Variants in MLLT10 observed in about 807,000 individuals in gnomAD.
MLLT10 encodes MLLT10 histone lysine methyltransferase DOT1L cofactor, also known as protein AF-10.
In MLLT10, 30 loss-of-function variants were observed where a neutral mutation model predicts 129.1. The observed-to-expected ratio is 0.23, with a 90% confidence interval of 0.17 to 0.32. The LOEUF (loss-of-function observed/expected upper bound fraction) is 0.32. Among genes scored for constraint, MLLT10 ranks in the 10% least tolerant of loss-of-function variants. MLLT10 has a pLI of 1.00. For missense variants in MLLT10, 1,119 were observed against 1,268.3 expected (o/e 0.88, Z 1.79); for synonymous variants, 490 against 446.4 (o/e 1.10, Z -1.23).
chr10:21,738,851 G>A (rs2058598737), intron 21 of MLLT10, among the ~76,000 whole-genome samples: 1 of 152,102 alleles, frequency 6.6e-6, no homozygotes, highest in Admixed American at 6.5e-5. Flanking sequence ...GAGTGCCCAA[G>A]GTGGAATTCA....
At chr10:21,640,310 A>G (rs1184630428) in intron 8 of MLLT10, among the ~76,000 whole-genome samples, 2 of 144,616 alleles carry the variant, frequency 1.4e-5, no homozygotes, top group Admixed American at 7.2e-5. Flanking sequence ...ATATATATGT[A>G]TACATATATT....
chr10:21,742,855 C>G lies in MLLT10; in HGVS notation c.*872C>G, dbSNP rs150622664. Reference sequence around the variant, plus strand: ...GTCCTCCGAGCAGCAGGAATCATCCCGTCACCTGCAGCCTTCCCATGCTTC... The same window carrying G: ...GTCCTCCGAGCAGCAGGAATCATCCGGTCACCTGCAGCCTTCCCATGCTTC... On this transcript the variant is annotated 3_prime_UTR_variant, in exon 23 of 23. Coordinates refer to ENST00000307729, the MANE Select transcript of MLLT10 (RefSeq NM_001195626.3). The G allele has an allele frequency of 8.7e-6, 2 of 228,866 alleles. No homozygotes were observed. Among genetic ancestry groups the G allele is most frequent in the Non-Finnish European group, 1.7e-5 (2 of 115,432 alleles). 14.2% of individuals were successfully genotyped at this position (228,866 alleles called of 1,614,324 possible). A position where few individuals can be genotyped will look rare whatever the true frequency, so the allele number is the denominator to read the frequency against.
At chr10:21,536,017 C>T (rs1419680054) in intron 2 of MLLT10, among the ~76,000 whole-genome samples, 1 of 152,214 alleles carries the variant, frequency 6.6e-6, no homozygotes, top group African/African-American at 2.4e-5. Context: ...CAGCTTACTG[C>T]AACCTCTGCC....
At chr10:21,667,531 AATGTACTCATTCTTTTGGTGATTT>A (rs890773222) in intron 9 of MLLT10, among the ~76,000 whole-genome samples, 9 of 149,772 alleles carry the variant, frequency 6.0e-5, no homozygotes, top group African/African-American at 1.7e-4. Context: ...TTTTTTTTTT[AATGTACTCATTCTTTTGGTGATTT>A]ATGTTGGGTA....
chr10:21,642,777 C>T (rs1387151718), intron 8 of MLLT10, among the ~76,000 whole-genome samples: 1 of 152,110 alleles, frequency 6.6e-6, no homozygotes, highest in African/African-American at 2.4e-5. Flanking sequence ...TTACCTTGGA[C>T]TCATCCATGT....
At chr10:21,603,772 C>G (rs1056933738) in intron 5 of MLLT10, among the ~76,000 whole-genome samples, 5 of 151,820 alleles carry the variant, frequency 3.3e-5, no homozygotes, top group Non-Finnish European at 5.9e-5. Flanking sequence ...AAATCTGTTC[C>G]ATGCTTCCTA....
intron 4 of MLLT10, among the ~76,000 whole-genome samples, chr10:21,586,898 T>C (rs1589099216): frequency 6.6e-6 from 1 of 151,564 alleles, no homozygotes; most frequent in Non-Finnish European, 1.5e-5. Context: ...AAAAAAAAAG[T>C]ATTTTTTTTA....
intron 3 of MLLT10, among the ~76,000 whole-genome samples, chr10:21,542,395 C>T (rs1461479780): frequency 2.0e-5 from 3 of 152,070 alleles, no homozygotes; most frequent in South Asian, 2.1e-4. Flanking sequence ...ATCTTAAAAC[C>T]CCGTTTCTTC....
Position 21,630,949 on chromosome 10 carries a change from G to A in MLLT10, c.699+13742G>A, listed in dbSNP as rs1018327936. Among the ~76,000 whole-genome samples, 6 of 152,248 alleles carry A rather than the reference G, an allele frequency of 3.9e-5. 1 individual carries two copies. Among genetic ancestry groups the A allele is most frequent in the African/African-American group, 1.4e-4 (6 of 41,544 alleles). On this transcript the variant is annotated intron_variant, in intron 8 of 22. Coordinates refer to ENST00000307729, the MANE Select transcript of MLLT10 (RefSeq NM_001195626.3). ...GCTAGCACACCCACCCACTCTTGTG[G>A]TCCAGGGATGTTGGGATACTGTGGT...
chr10:21,543,635 C>T (rs1345820714), intron 3 of MLLT10, among the ~76,000 whole-genome samples: 2 of 151,974 alleles, frequency 1.3e-5, no homozygotes, highest in Non-Finnish European at 2.9e-5. Flanking sequence ...TGTGCCACCA[C>T]GCCCAGCTAA....
intron 13 of MLLT10, among the ~76,000 whole-genome samples, chr10:21,704,527 A>G (rs2055302129): frequency 6.8e-6 from 1 of 147,122 alleles, no homozygotes; most frequent in South Asian, 2.1e-4. Context: ...ATTTTGAATT[A>G]TTTTTCCAAT....
chr10:21,707,486 C>T (rs570844237), intron 13 of MLLT10, among the ~76,000 whole-genome samples: 12 of 152,246 alleles, frequency 7.9e-5, no homozygotes, highest in Non-Finnish European at 1.5e-4. Flanking sequence ...CCACTGCGCC[C>T]GGCCAAGTTT....
chr10:21,716,419 G>A (rs952781819), intron 14 of MLLT10, among the ~76,000 whole-genome samples: 20 of 152,178 alleles, frequency 1.3e-4, no homozygotes, highest in East Asian at 9.6e-4. Context: ...TAGGCTGGGC[G>A]TGGTGGCTCA....
intron 8 of MLLT10, chr10:21,626,193 T>A: frequency 6.2e-7 from 1 of 1,604,284 alleles, no homozygotes; most frequent in Non-Finnish European, 8.5e-7. Flanking sequence ...TCACTTTCCT[T>A]GAACTGCTGT....
chr10:21,597,353 T>C (rs2043119200), intron 5 of MLLT10, among the ~76,000 whole-genome samples: 1 of 152,200 alleles, frequency 6.6e-6, no homozygotes, highest in Non-Finnish European at 1.5e-5. Context: ...GCATTTTGAC[T>C]CTTTGGTCTT....
At chr10:21,724,416 TGTC>T (rs1202429843) in intron 14 of MLLT10, among the ~76,000 whole-genome samples, 1 of 152,246 alleles carries the variant, frequency 6.6e-6, no homozygotes, top group African/African-American at 2.4e-5. Context: ...ACTACTGTGT[TGTC>T]TTAGTCTCTT....
At chr10:21,552,845 C>T (rs1406188764) in intron 3 of MLLT10, among the ~76,000 whole-genome samples, 3 of 151,544 alleles carry the variant, frequency 2.0e-5, no homozygotes, top group African/African-American at 7.3e-5. Context: ...TTTTATTCTT[C>T]TCTGTTCCTC....
At chr10:21,716,126 C>T (rs2056535364) in intron 14 of MLLT10, among the ~76,000 whole-genome samples, 1 of 152,180 alleles carries the variant, frequency 6.6e-6, no homozygotes, top group Non-Finnish European at 1.5e-5. Context: ...GTGAAATTTT[C>T]TAGGCAATGT....
At chr10:21,593,797 G>A (rs2042738515) in intron 4 of MLLT10, among the ~76,000 whole-genome samples, 1 of 151,524 alleles carries the variant, frequency 6.6e-6, no homozygotes, top group Admixed American at 6.6e-5. Flanking sequence ...TGTGGTGGTG[G>A]GCACCTGTAA....
Sources: allele counts gnomAD v4.1 joint callset (sites outside exome capture counted in the v4.1 genomes callset), GRCh38; gene constraint gnomAD v4.1.1; transcripts MANE v1.5; gene names NCBI Gene and HGNC (gene_info 2026-07-23, HGNC 2026-07-21).